The following COL4A4 variants were observed in gnomAD, a reference collection of about 807,000 sequenced individuals.
COL4A4 encodes the protein collagen alpha-4(IV) chain.
COL4A4 carries 105 observed loss-of-function variants against 192.9 expected under a neutral mutation model. The observed-to-expected ratio is 0.54, with a 90% CI of 0.46 to 0.64. COL4A4 has a LOEUF of 0.64. Among genes scored for constraint, COL4A4 ranks in the 30% least tolerant of loss-of-function variants. The pLI is 0.00. For missense variants in COL4A4, 1,967 were observed against 2,169.3 expected, an observed-to-expected ratio of 0.91 and a Z score of 1.85; for synonymous variants, 762 against 769.9, an observed-to-expected ratio of 0.99 and a Z score of 0.17.
chr2:227,115,306 T>C (rs1425644897), intron 7 of COL4A4, among the ~76,000 whole-genome samples: 2 of 147,590 alleles, frequency 1.4e-5, no homozygotes, highest in Admixed American at 1.4e-4. Context: ...AGTCTCGCTC[T>C]GTCTACCAGG....
intron 37 of COL4A4, among the ~76,000 whole-genome samples, chr2:227,039,468 C>A (rs1053994399): frequency 2.0e-5 from 3 of 152,166 alleles, no homozygotes; most frequent in South Asian, 2.1e-4. Context: ...ACCACGTCGG[C>A]CAGCTATTAG....
Position 227,043,195 on chromosome 2 carries a change from A to G in COL4A4, c.3290-11T>C, listed in dbSNP as rs1459373900. The G allele has an allele frequency of 6.2e-7, 1 of 1,609,908 alleles. No individual in the cohort carries two copies. Among genetic ancestry groups the G allele is most frequent in the South Asian group, 1.1e-5 (1 of 91,012 alleles). ...ATGCTCCAAAATGCCCTAAAGAAGG[A>G]AAGATCAAACATCAGAGTTGCCGTT... is the stretch of plus-strand genomic sequence containing the variant. On this transcript the variant is annotated splice_polypyrimidine_tract_variant and intron_variant, in intron 35 of 47. Transcript: ENST00000396625.
At chr2:227,033,835 C>T (rs981544647) in intron 37 of COL4A4, among the ~76,000 whole-genome samples, 2 of 152,180 alleles carry the variant, frequency 1.3e-5, no homozygotes, top group Admixed American at 6.5e-5. Flanking sequence ...GGAAAGAGAT[C>T]GGATGGGAGC....
intron 22 of COL4A4, 34 bp from the exon 23 acceptor site, chr2:227,082,221 A>G: frequency 6.7e-7 from 1 of 1,501,338 alleles, no homozygotes; most frequent in Admixed American, 1.7e-5. Context: ...AATTAGGTTA[A>G]TTGTGATGGA....
chr2:227,127,349 C>T (rs570053369), intron 4 of COL4A4, among the ~76,000 whole-genome samples: 3 of 152,256 alleles, frequency 2.0e-5, no homozygotes, highest in African/African-American at 7.2e-5. Context: ...AAATTGACAC[C>T]GTATCATCAA....
At position 227,054,701 on chromosome 2, in the gene COL4A4, C is replaced by G; in HGVS notation, c.2753G>C (p.Gly918Ala). The G allele has an allele frequency of 2.5e-6, 4 of 1,614,200 alleles. No individual in the cohort carries two copies. Among genetic ancestry groups the G allele is most frequent in the Non-Finnish European group, 3.4e-6 (4 of 1,180,050 alleles). Residue 918 changes from glycine to alanine, a missense_variant, in exon 31 of 48, where the codon GGA becomes GCA. By Grantham distance (60) the Gly-to-Ala change is moderately conservative. Coordinates refer to ENST00000396625, the MANE Select transcript of COL4A4 (RefSeq NM_000092.5). Reference sequence around the variant, plus strand: ...CTCTGCACCAGGCTTTCCTCTTTCTCCGGGAAAACCTGGGAAACCAGGCAG... The same window carrying G: ...CTCTGCACCAGGCTTTCCTCTTTCTGCGGGAAAACCTGGGAAACCAGGCAG... Reference protein sequence around the residue: ...RGLPGFPGFPGERGKPGAEGC... With the variant: ...RGLPGFPGFPAERGKPGAEGC...
Position 227,032,176 on chromosome 2 carries a change from A to G in COL4A4, c.3678T>C (p.Arg1226=). Residue 1226 remains arginine, a synonymous_variant, in exon 39 of 48, where the codon CGT becomes CGC. Coordinates refer to ENST00000396625, the MANE Select transcript of COL4A4 (RefSeq NM_000092.5). ...GGGGTCCTGGGGGACCTTTCTTTCC[A>G]CGAGGACCTGGAGGAGAGATTCCTG... ...GSPGISPPGP[R]GKKGPPGPPG... The G allele has an allele frequency of 6.2e-7, 1 of 1,614,182 alleles. No individual in the cohort carries two copies. Among genetic ancestry groups the G allele is most frequent in the Non-Finnish European group, 8.5e-7 (1 of 1,180,002 alleles).
chr2:227,122,942 G>T (rs1014897732), intron 4 of COL4A4, among the ~76,000 whole-genome samples: 2 of 152,040 alleles, frequency 1.3e-5, no homozygotes, highest in Non-Finnish European at 2.9e-5. Flanking sequence ...GCGGCTCACT[G>T]CAGCCTCCAC....
In COL4A4 at chr2:227,007,316, T is replaced by C. The variant is rs1289621291; in HGVS notation, c.*9A>G. The C allele has an allele frequency of 6.2e-7, 1 of 1,614,252 alleles. No homozygotes were observed. The highest frequency in any genetic ancestry group is 2.2e-5 in the East Asian group (1 of 44,890). ...TCTCTTGGCCACGTGTTGGTGAATT[T>C]CGCATTCTCTAGCTATACTTCACGC... On this transcript the variant is annotated 3_prime_UTR_variant, in exon 48 of 48. Coordinates refer to ENST00000396625, the MANE Select transcript of COL4A4 (RefSeq NM_000092.5).
chr2:227,066,774 A>G (rs1451870895), intron 25 of COL4A4, among the ~76,000 whole-genome samples: 5 of 151,974 alleles, frequency 3.3e-5, no homozygotes, highest in African/African-American at 1.2e-4. Flanking sequence ...GCCAAAATGT[A>G]AAGACCATCG....
chr2:227,099,527 A>C, intron 18 of COL4A4, 93 bp downstream of exon 18: 1 of 1,150,568 alleles, frequency 8.7e-7, no homozygotes. Context: ...CCTAGTGTGC[A>C]AGCTATGGAA....
intron 4 of COL4A4, among the ~76,000 whole-genome samples, chr2:227,135,933 C>CT (rs1297569264): frequency 6.6e-6 from 1 of 152,148 alleles, no homozygotes; most frequent in Non-Finnish European, 1.5e-5. Context: ...CGTGAACCAC[C>CT]ATGCCTGGCC....
chr2:227,091,298 A>C, intron 20 of COL4A4, among the ~76,000 whole-genome samples: 1 of 150,402 alleles, frequency 6.6e-6, no homozygotes, highest in East Asian at 1.9e-4. Context: ...ATAGATATAG[A>C]TATAAATAGA....
chr2:227,082,084 G>GAT (rs746526112), intron 23 of COL4A4, 31 bp downstream of exon 23: 1 of 1,580,130 alleles, frequency 6.3e-7, no homozygotes, highest in East Asian at 2.2e-5. Flanking sequence ...TTCATAAAAT[G>GAT]GCAGGGAGTT....
At chr2:227,099,484 T>G in intron 18 of COL4A4, 136 bp downstream of exon 18, 1 of 760,978 alleles carries the variant, frequency 1.3e-6, no homozygotes, top group Admixed American at 2.0e-5. Context: ...TGTATAATTA[T>G]ACACTCATGC....
chr2:227,156,587 TAGA>T (rs1293609363), intron 1 of COL4A4, among the ~76,000 whole-genome samples: 2 of 151,914 alleles, frequency 1.3e-5, no homozygotes, highest in African/African-American at 2.4e-5. Context: ...TTCAGTTAGT[TAGA>T]AGGAGATATA....
chr2:226,986,964 T>C, the COL4A4 span, among the ~76,000 whole-genome samples: 1 of 152,222 alleles, frequency 6.6e-6, no homozygotes, highest in African/African-American at 2.4e-5. Context: ...AAAGAAAATG[T>C]GGCACATGTA....
intron 22 of COL4A4, among the ~76,000 whole-genome samples, chr2:227,083,483 A>T (rs1257455194): frequency 6.6e-6 from 1 of 151,956 alleles, no homozygotes; most frequent in Non-Finnish European, 1.5e-5. Flanking sequence ...GTCTCACTTC[A>T]TCCCCCAGGC....
At chr2:226,991,189 A>G in the COL4A4 span, among the ~76,000 whole-genome samples, 2 of 152,124 alleles carry the variant, frequency 1.3e-5, no homozygotes, top group Non-Finnish European at 2.9e-5. Context: ...CATTTTATAT[A>G]TCTCTTTTTT....
Sources: gnomAD v4.1 joint callset for allele counts (sites outside exome capture counted in the v4.1 genomes callset) on GRCh38, gnomAD v4.1.1 for gene constraint, MANE v1.5 for transcripts, NCBI Gene and HGNC (gene_info 2026-07-23, HGNC 2026-07-21) for gene names.